IL1RAPL2: variants seen among roughly 807,000 people sequenced by gnomAD.
IL1RAPL2 encodes the protein X-linked interleukin-1 receptor accessory protein-like 2.
IL1RAPL2 carries 3 observed loss-of-function variants against 44.1 expected under a neutral mutation model. The observed-to-expected ratio is 0.07, with a 90% confidence interval of 0.03 to 0.18. The LOEUF is 0.18. IL1RAPL2 is among the 10% of genes least tolerant of loss of function. The pLI is 1.00. For missense variants in IL1RAPL2, 391 were observed against 496.4 expected, an observed-to-expected ratio of 0.79 and a Z score of 2.02; for synonymous variants, 181 against 178.8, an observed-to-expected ratio of 1.01 and a Z score of -0.10.
chrX:105,235,399 T>A (rs2034111637), intron 4 of IL1RAPL2, among the ~76,000 whole-genome samples: 1 of 111,777 alleles, frequency 8.9e-6, no homozygotes, highest in African/African-American at 3.3e-5. Context: ...GCACAGATGC[T>A]GTGTGTACTG....
rs782563129 is a variant in IL1RAPL2, at chrX:105,233,858, G to A, written c.397G>A (p.Val133Ile). 7 of 1,210,131 alleles carry A rather than the reference G, an allele frequency of 5.8e-6. No homozygotes were observed. The highest frequency in any genetic ancestry group is 7.8e-6 in the Non-Finnish European group (7 of 894,313). The change falls in exon 4 of 11, where the codon GTT (valine) becomes ATT (isoleucine). Residue 133 changes from valine (V) to isoleucine (I), a missense_variant. Around this residue, in one of 2 missense-constraint regions of IL1RAPL2, gnomAD observed 159 missense variants for 251.7 expected, o/e 0.63. Coordinates refer to ENST00000372582, the MANE Select transcript of IL1RAPL2 (RefSeq NM_017416.2). Reference protein sequence around the residue: ...YCMKVSMSLTVAENESGLCYN... With the variant: ...YCMKVSMSLTIAENESGLCYN... Reference sequence around the variant, plus strand: ...CATGAAGGTGTCAATGTCCTTGACTGTTGCAGAGAATGAATCAGGCCTGTG... The same window carrying A: ...CATGAAGGTGTCAATGTCCTTGACTATTGCAGAGAATGAATCAGGCCTGTG...
intron 2 of IL1RAPL2, among the ~76,000 whole-genome samples, chrX:104,860,792 T>C (rs1285045985): frequency 6.3e-5 from 7 of 111,001 alleles, no homozygotes; most frequent in Non-Finnish European, 1.1e-4. Flanking sequence ...AGAATCTTGG[T>C]GGGGAACCAG....
intron 2 of IL1RAPL2, among the ~76,000 whole-genome samples, chrX:104,883,259 A>G (rs1193228788): frequency 5.4e-5 from 6 of 111,270 alleles, no homozygotes; most frequent in Non-Finnish European, 1.1e-4. Flanking sequence ...AATACTGGGC[A>G]CCTGTCGGCC....
At chrX:104,707,018 T>C (rs1483311066) in intron 2 of IL1RAPL2, among the ~76,000 whole-genome samples, 2 of 111,630 alleles carry the variant, frequency 1.8e-5, no homozygotes, top group African/African-American at 6.5e-5. Flanking sequence ...TATTTTAACA[T>C]ATATTATGAC....
chrX:105,337,796 C>T lies in IL1RAPL2; in HGVS notation c.697+70255C>T, dbSNP rs1354864165. On this transcript the variant is annotated intron_variant, in intron 5 of 10. Coordinates refer to ENST00000372582, the MANE Select transcript of IL1RAPL2 (RefSeq NM_017416.2). ...GTCCCAGCTACTCGGGAGGCTAAGG[C>T]AGGAGAATGGTGTGAACCCAGGAGG... 3.6e-5 allele frequency among the ~76,000 whole-genome samples: 4 copies of T among 110,744 alleles called. No individual in the cohort carries two copies. The East Asian group carries it at 1.1e-3, about 32-fold the overall frequency.
At chrX:105,748,230 C>A (rs1283882263) in intron 8 of IL1RAPL2, among the ~76,000 whole-genome samples, 1 of 112,148 alleles carries the variant, frequency 8.9e-6, no homozygotes, top group Non-Finnish European at 1.9e-5. Context: ...TGTTCCAATG[C>A]TCAGAGTTCT....
rs878928846 is a variant in IL1RAPL2, at chrX:105,665,753, T to TG, written c.773-51614_773-51613insG. On this transcript the variant is annotated intron_variant, in intron 6 of 10. Coordinates refer to ENST00000372582, the MANE Select transcript of IL1RAPL2 (RefSeq NM_017416.2). Reference sequence around the variant, plus strand: ...TTTTTTGTTTTTTTGTTTTTTTTTTTTTGTTGTTGTTGTTGTTGTTGTTTT... The same window carrying TG: ...TTTTTTGTTTTTTTGTTTTTTTTTTTGTTGTTGTTGTTGTTGTTGTTGTTTT... 5.7e-3 allele frequency among the ~76,000 whole-genome samples: 395 copies of TG among 69,114 alleles called. 3 individuals are homozygous for TG. The highest frequency in any genetic ancestry group is 0.018 in the African/African-American group (326 of 17,657). 60.0% of individuals were successfully genotyped at this position (69,114 alleles called of 115,157 possible).
intron 2 of IL1RAPL2, among the ~76,000 whole-genome samples, chrX:104,873,915 G>A (rs1344120682): frequency 1.8e-5 from 2 of 110,765 alleles, no homozygotes; most frequent in African/African-American, 6.6e-5. Flanking sequence ...CAGGCTCTTA[G>A]CAATTCTTCA....
intron 10 of IL1RAPL2, among the ~76,000 whole-genome samples, chrX:105,763,148 A>C: frequency 8.9e-6 from 1 of 112,016 alleles, no homozygotes; most frequent in African/African-American, 3.2e-5. Flanking sequence ...TCCAGATAGT[A>C]AATATTTTAG....
At chrX:104,584,334 C>T (rs1028571711) in intron 1 of IL1RAPL2, among the ~76,000 whole-genome samples, 3 of 111,031 alleles carry the variant, frequency 2.7e-5, no homozygotes, top group Non-Finnish European at 3.8e-5. Context: ...TAGCACTTTC[C>T]ATTACCTTGG....
At chrX:105,511,498 G>T (rs2036469704) in intron 6 of IL1RAPL2, among the ~76,000 whole-genome samples, 1 of 110,504 alleles carries the variant, frequency 9.0e-6, no homozygotes, top group East Asian at 2.9e-4. Context: ...TAGCCACAAA[G>T]AATTTTCTCT....
At chrX:105,339,130 TACAA>T (rs1446000077) in intron 5 of IL1RAPL2, among the ~76,000 whole-genome samples, 1 of 111,010 alleles carries the variant, frequency 9.0e-6, no homozygotes, top group Admixed American at 9.6e-5. Flanking sequence ...AATAAATAAA[TACAA>T]ACAAAACAGC....
intron 6 of IL1RAPL2, among the ~76,000 whole-genome samples, chrX:105,713,825 T>A (rs2038234848): frequency 8.9e-6 from 1 of 111,835 alleles, no homozygotes; most frequent in African/African-American, 3.3e-5. Context: ...CCACACTTTT[T>A]GTATTCTCTT....
chrX:105,174,565 C>T (rs191929104), intron 2 of IL1RAPL2, among the ~76,000 whole-genome samples: 69 of 111,435 alleles, frequency 6.2e-4, no homozygotes, highest in Middle Eastern at 9.3e-3. Flanking sequence ...ACCCTTTTGC[C>T]TTTTTAAATT....
chrX:104,761,958 T>C (rs28878245), intron 2 of IL1RAPL2, among the ~76,000 whole-genome samples: 6 of 89,161 alleles, frequency 6.7e-5, no homozygotes, highest in African/African-American at 2.6e-4. Flanking sequence ...CTTCTTCTTC[T>C]TCTTCTTCTT....
chrX:104,846,802 C>T (rs1178192459), intron 2 of IL1RAPL2, among the ~76,000 whole-genome samples: 1 of 112,234 alleles, frequency 8.9e-6, no homozygotes, highest in East Asian at 2.8e-4. Context: ...AACTAGTTTA[C>T]AGTCCCACCA....
At chrX:105,080,595 G>A (rs1284084230) in intron 2 of IL1RAPL2, among the ~76,000 whole-genome samples, 1 of 111,906 alleles carries the variant, frequency 8.9e-6, no homozygotes, top group Non-Finnish European at 1.9e-5. Context: ...TTTGGTACCA[G>A]TACCATGCTG....
At position 105,339,020 on chromosome X, in the gene IL1RAPL2, T is replaced by G. The variant is rs762259190; in HGVS notation, c.697+71479T>G. ...CGGGAGGCTGAGGCAAGAGAATCAC[T>G]TGAACCCAGGAGGCAGAGGTTGCAG... On this transcript the variant is annotated intron_variant, in intron 5 of 10. Coordinates refer to ENST00000372582, the MANE Select transcript of IL1RAPL2 (RefSeq NM_017416.2). Among the ~76,000 whole-genome samples the G allele has an allele frequency of 2.7e-5, 3 of 111,687 alleles. No individual in the cohort carries two copies. In the East Asian group the frequency reaches 8.4e-4, roughly 31 times the overall value.
chrX:104,827,276 C>A, intron 2 of IL1RAPL2, among the ~76,000 whole-genome samples: 1 of 110,592 alleles, frequency 9.0e-6, no homozygotes, highest in Non-Finnish European at 1.9e-5. Context: ...TTTTTCCTTT[C>A]CATATTTAGT....
Sources: allele counts gnomAD v4.1 joint callset (sites outside exome capture counted in the v4.1 genomes callset), GRCh38; gene constraint gnomAD v4.1.1; regional missense constraint gnomAD v4.1.1; transcripts MANE v1.5; gene names NCBI Gene and HGNC (gene_info 2026-07-23, HGNC 2026-07-21).